FAM20C: variants seen among roughly 807,000 people sequenced by gnomAD.
The protein encoded by FAM20C is extracellular serine/threonine protein kinase FAM20C.
FAM20C carries 40 observed loss-of-function variants against 51.5 expected under a neutral mutation model. That is an observed-to-expected ratio of 0.78 (90% CI 0.60 to 1.01). FAM20C has a LOEUF of 1.01. Ranked by LOEUF, FAM20C falls within the 50% of genes least tolerant of loss-of-function variation. The pLI, the probability that FAM20C is intolerant of heterozygous loss-of-function variation, is 0.00. For synonymous variants in FAM20C, 406 were observed against 380.6 expected (o/e 1.07, Z -0.78); for missense variants, 861 against 844.7 (o/e 1.02, Z -0.24).
At chr7:222,153 A>G (rs1339670917) in intron 3 of FAM20C, among the ~76,000 whole-genome samples, 2 of 152,196 alleles carry the variant, frequency 1.3e-5, no homozygotes, top group Admixed American at 1.3e-4. Context: ...GTCAGGAGAC[A>G]GGGCAGGGCT....
intron 3 of FAM20C, among the ~76,000 whole-genome samples, chr7:209,636 C>A (rs1389122318): frequency 3.3e-5 from 5 of 152,184 alleles, no homozygotes; most frequent in Non-Finnish European, 7.3e-5. Context: ...CCTGGCCACC[C>A]CAGGAAGGCT....
intron 3 of FAM20C, among the ~76,000 whole-genome samples, chr7:214,282 G>A (rs569870189): frequency 2.8e-4 from 43 of 151,924 alleles, no homozygotes; most frequent in African/African-American, 7.0e-4. Flanking sequence ...CCGAGATCAC[G>A]CCACCGCACT....
At chr7:194,076 C>A in intron 1 of FAM20C, 1 of 439,276 alleles carries the variant, frequency 2.3e-6, no homozygotes, top group Non-Finnish European at 4.0e-6. Flanking sequence ...CGAGTCCTGA[C>A]CAGCCGTGGT....
intron 3 of FAM20C, among the ~76,000 whole-genome samples, chr7:211,373 C>T (rs1786702965): frequency 1.3e-5 from 2 of 150,452 alleles, no homozygotes; most frequent in Admixed American, 1.3e-4. Flanking sequence ...CTCTTCCAAC[C>T]TCCCGGCCTG....
chr7:217,492 C>G (rs1265535720), intron 3 of FAM20C, among the ~76,000 whole-genome samples: 1 of 16,644 alleles, frequency 6.0e-5, no homozygotes, highest in Non-Finnish European at 1.4e-4. Context: ...CAGGGCCATC[C>G]TGGGGGGCGG....
chr7:259,609 C>A, intron 9 of FAM20C, 122 bp from the exon 10 acceptor site: 2 of 989,006 alleles, frequency 2.0e-6, no homozygotes, highest in Non-Finnish European at 2.6e-6. Flanking sequence ...TGTCTCTGTC[C>A]CCCTCTTTCT....
intron 1 of FAM20C, chr7:195,103 TTCCTGA>T (rs1785788957): frequency 6.2e-6 from 1 of 160,162 alleles, no homozygotes; most frequent in Non-Finnish European, 1.4e-5. Context: ...CTGGGGAAGG[TTCCTGA>T]CAGACTGGGC....
At chr7:201,389 A>G (rs1044868697) in intron 2 of FAM20C, among the ~76,000 whole-genome samples, 3 of 152,172 alleles carry the variant, frequency 2.0e-5, no homozygotes, top group Non-Finnish European at 4.4e-5. Context: ...ATTTAAAGTC[A>G]GGTTGGGGTT....
intron 3 of FAM20C, among the ~76,000 whole-genome samples, chr7:244,670 C>G (rs1016095259): frequency 6.6e-6 from 1 of 152,232 alleles, no homozygotes; most frequent in African/African-American, 2.4e-5. Context: ...ATAGCAATGG[C>G]CACAGACCCA....
At position 249,821 on chromosome 7, in the gene FAM20C, C is replaced by A. The variant is rs568229637; in HGVS notation, c.1072+1391C>A. Among the ~76,000 whole-genome samples the A allele has an allele frequency of 4.6e-5, 7 of 152,342 alleles. No individual in the cohort carries two copies. In the South Asian group the frequency reaches 1.5e-3, roughly 32 times the overall value. ...TCCTCTCCAAGCGCCTCTCTGGTAC[C>A]AGGCCCCTGCTGCACAGCCTGTTCC... is the stretch of plus-strand genomic sequence containing the variant. On this transcript the variant is annotated intron_variant, in intron 5 of 9. Transcript: ENST00000313766.
chr7:208,211 G>A (rs1786530878), intron 2 of FAM20C, among the ~76,000 whole-genome samples: 1 of 152,048 alleles, frequency 6.6e-6, no homozygotes, highest in South Asian at 2.1e-4. Context: ...GTGTGTAAAT[G>A]TAGGTTGGTG....
chr7:244,405 G>A lies in FAM20C; in HGVS notation c.864-2010G>A, dbSNP rs551557008. Among the ~76,000 whole-genome samples the A allele has an allele frequency of 3.3e-5, 5 of 152,260 alleles. No homozygotes were observed. The South Asian group carries it at 1.0e-3, about 32-fold the overall frequency. On this transcript the variant is annotated intron_variant, in intron 3 of 9. Coordinates refer to ENST00000313766, the MANE Select transcript of FAM20C (RefSeq NM_020223.4). ...CAGAATTTACCACCCCTGGAACTGC[G>A]GGCTGACTGCAGCGGACCATTTGGT...
chr7:195,425 G>T, intron 1 of FAM20C, 129 bp from the exon 2 acceptor site: 1 of 845,974 alleles, frequency 1.2e-6, no homozygotes, highest in Non-Finnish European at 1.6e-6. Context: ...TTAAGCAGAG[G>T]CGCCTTCAAC....
chr7:228,176 C>T (rs992078311), intron 3 of FAM20C: 9 of 318,766 alleles, frequency 2.8e-5, no homozygotes, highest in African/African-American at 8.6e-5. Flanking sequence ...GAAAGCCATC[C>T]GCCTGGCATG....
intron 3 of FAM20C, among the ~76,000 whole-genome samples, chr7:216,676 TGTGTGAGA>T (rs1245531031): frequency 7.6e-4 from 109 of 142,746 alleles, no homozygotes; most frequent in African/African-American, 2.6e-3. Context: ...AGACAGAGTG[TGTGTGAGA>T]GTGTGTGTGT....
Position 258,664 on chromosome 7 carries a change from C to T in FAM20C, c.1464C>T (p.His488=), listed in dbSNP as rs139144760. Residue 488 remains histidine, a synonymous_variant, in exon 9 of 10, where the codon CAC becomes CAT. Transcript: ENST00000313766. ...DNGRGFGKYS[H]DELSILVPLQ... Reference sequence around the variant, plus strand: ...CTGGAAGGTTTGGGAAGTATTCGCACGACGAGCTCTCCATCCTGGTGCCGC... The same window carrying T: ...CTGGAAGGTTTGGGAAGTATTCGCATGACGAGCTCTCCATCCTGGTGCCGC... 0.013 allele frequency: 19,965 copies of T among 1,536,686 alleles called. 1,470 individuals carry two copies. The African/African-American group carries it at 0.19, about 15-fold the overall frequency.
intron 3 of FAM20C, among the ~76,000 whole-genome samples, chr7:212,530 G>C (rs1786770915): frequency 6.6e-6 from 1 of 152,166 alleles, no homozygotes; most frequent in South Asian, 2.1e-4. Context: ...TGAGTTCCTA[G>C]TACAACGTCG....
At chr7:212,702 C>G (rs767307372) in intron 3 of FAM20C, among the ~76,000 whole-genome samples, 1 of 152,128 alleles carries the variant, frequency 6.6e-6, no homozygotes, top group African/African-American at 2.4e-5. Context: ...TTCTAATAGT[C>G]GCTGAAAAGC....
At chr7:253,209 C>T (rs377152973) in intron 5 of FAM20C, among the ~76,000 whole-genome samples, 25 of 152,344 alleles carry the variant, frequency 1.6e-4, no homozygotes, top group Admixed American at 5.9e-4. Flanking sequence ...ACAGTGTCCG[C>T]CGGGCCCGCA....
Sources: gnomAD v4.1 joint callset for allele counts (sites outside exome capture counted in the v4.1 genomes callset) on GRCh38, gnomAD v4.1.1 for gene constraint, MANE v1.5 for transcripts, NCBI Gene and HGNC (gene_info 2026-07-23, HGNC 2026-07-21) for gene names.